Variants in RHBDF2 observed in about 807,000 individuals in gnomAD.
RHBDF2 encodes the protein rhomboid 5 homolog 2.
Under a neutral mutation model 95.2 loss-of-function variants are expected in RHBDF2, and 38 were observed. The observed-to-expected ratio is 0.40, with a 90% confidence interval of 0.31 to 0.52. RHBDF2 has a LOEUF of 0.52. Among genes scored for constraint, RHBDF2 ranks in the 20% least tolerant of loss-of-function variants. RHBDF2 has a pLI of 0.56. For missense variants in RHBDF2, 863 were observed against 1,137.7 expected (o/e 0.76, Z 3.47); for synonymous variants, 442 against 462.0 (o/e 0.96, Z 0.55).
Position 76,477,027 on chromosome 17 carries a change from G to A in RHBDF2, c.921-3C>T. ...CTGGGGCTCGGCCATACTCCTTCCT[G>A]GTGGGGATGGTGGCTTTCAGCCTGA... is the stretch of plus-strand genomic sequence containing the variant. On this transcript the variant is annotated splice_polypyrimidine_tract_variant and splice_region_variant and intron_variant, in intron 8 of 18. Coordinates refer to ENST00000675367, the MANE Select transcript of RHBDF2 (RefSeq NM_001005498.4). 2.5e-6 allele frequency: 4 copies of A among 1,612,876 alleles called. No individual in the cohort carries two copies. Among genetic ancestry groups the A allele is most frequent in the Non-Finnish European group, 1.7e-6 (2 of 1,179,504 alleles).
At position 76,476,929 on chromosome 17, in the gene RHBDF2, T is replaced by C; in HGVS notation, c.1016A>G (p.His339Arg). ...GTTGCCCACCACGCCGAGGCCGTAG[T>C]GCCGCTTCTTCCGATCAAAGGCAAA... ...KHFAFDRKKR[H>R]YGLGVVGNWL... is the part of the protein sequence containing the mutation. The change falls in exon 9 of 19, where the codon CAC (histidine) becomes CGC (arginine). Residue 339 changes from histidine to arginine, a missense_variant. Physicochemically the swap from His to Arg is conservative, Grantham distance 29. Coordinates refer to ENST00000675367, the MANE Select transcript of RHBDF2 (RefSeq NM_001005498.4). The C allele has an allele frequency of 1.2e-6, 2 of 1,613,918 alleles. No homozygotes were observed. Among genetic ancestry groups the C allele is most frequent in the East Asian group, 2.2e-5 (1 of 44,884 alleles).
intron 2 of RHBDF2, among the ~76,000 whole-genome samples, chr17:76,484,891 C>T (rs1461827232): frequency 6.6e-6 from 1 of 152,182 alleles, no homozygotes; most frequent in African/African-American, 2.4e-5. Context: ...TCGGGTTAGT[C>T]ACCTGACAAC....
In RHBDF2 at chr17:76,498,169, T is replaced by C. The variant is rs768714846; in HGVS notation, c.-220+3184A>G. 2.7e-3 allele frequency among the ~76,000 whole-genome samples: 408 copies of C among 152,230 alleles called. 2 individuals are homozygous for C. Among genetic ancestry groups the C allele is most frequent in the Non-Finnish European group, 4.4e-3 (301 of 68,012 alleles). On this transcript the variant is annotated intron_variant, in intron 1 of 18. Coordinates refer to ENST00000675367, the MANE Select transcript of RHBDF2 (RefSeq NM_001005498.4). ...CTTGGTTTCCCTGTGAAGCCGCCCG[T>C]GCCCTGAGAGCTGTCCCTGCCTAGC... is the stretch of plus-strand genomic sequence containing the variant.
At chr17:76,499,925 C>T (rs1467786981) in intron 1 of RHBDF2, among the ~76,000 whole-genome samples, 1 of 152,124 alleles carries the variant, frequency 6.6e-6, no homozygotes, top group Admixed American at 6.5e-5. Context: ...ACCTCTCCCC[C>T]ACAGCACCTA....
At chr17:76,479,946 G>A in intron 3 of RHBDF2, 92 bp from the exon 4 acceptor site, 1 of 1,554,886 alleles carries the variant, frequency 6.4e-7, no homozygotes, top group Non-Finnish European at 8.7e-7. Flanking sequence ...AAAACCCTGA[G>A]AACAAACTTC....
At chr17:76,481,988 CACACACACACACACAA>C (rs777642189) in intron 2 of RHBDF2, 4,846 of 110,206 alleles carry the variant, frequency 0.044, 140 homozygotes, top group Middle Eastern at 0.061. Context: ...CACACACACA[CACACACACACACACAA>C]AACCAAAAAC....
At position 76,479,179 on chromosome 17, in the gene RHBDF2, C is replaced by A. The variant is rs766606016; in HGVS notation, c.371G>T (p.Arg124Leu). The A allele has an allele frequency of 1.2e-6, 2 of 1,612,024 alleles. No individual in the cohort carries two copies. Among genetic ancestry groups the A allele is most frequent in the African/African-American group, 1.3e-5 (1 of 75,044 alleles). ...SLHHCSMRYG[R>L]LKASCQRDLE... ...GTCACGCTGGCACGAGGCCTTCAGG[C>A]GGCCGTAGCGCATGCTGCAGTGGTG... The change falls in exon 5 of 19, where the codon CGC becomes CTC. Residue 124 changes from arginine to leucine, a missense_variant. By Grantham distance (102) the Arg-to-Leu change is moderately radical. Coordinates refer to ENST00000675367, the MANE Select transcript of RHBDF2 (RefSeq NM_001005498.4).
intron 1 of RHBDF2, among the ~76,000 whole-genome samples, chr17:76,492,666 C>T (rs770127223): frequency 6.6e-6 from 1 of 152,222 alleles, no homozygotes. Context: ...CCTGCACTCC[C>T]CACCCCCACA....
chr17:76,473,362 G>C, intron 15 of RHBDF2, 35 bp from the exon 16 acceptor site: 2 of 1,573,912 alleles, frequency 1.3e-6, no homozygotes, highest in East Asian at 2.3e-5. Context: ...GGACATCAGG[G>C]CGCCGAATAA....
In RHBDF2 at chr17:76,486,125, T is replaced by C. The variant is rs1009693200; in HGVS notation, c.-22+1587A>G. Reference sequence around the variant, plus strand: ...ACACACACACACACACATATAGTTTTTGAGACAGAGTCTTGCTCTGTCACC... The same window carrying C: ...ACACACACACACACACATATAGTTTCTGAGACAGAGTCTTGCTCTGTCACC... On this transcript the variant is annotated intron_variant, in intron 2 of 18. Transcript: ENST00000675367. 9.3e-5 allele frequency among the ~76,000 whole-genome samples: 14 copies of C among 150,538 alleles called. 1 individual carries two copies. Among genetic ancestry groups the C allele is most frequent in the Admixed American group, 4.0e-4 (6 of 15,086 alleles).
chr17:76,491,337 C>CA (rs1171509863), intron 1 of RHBDF2, among the ~76,000 whole-genome samples: 1 of 152,198 alleles, frequency 6.6e-6, no homozygotes, highest in Non-Finnish European at 1.5e-5. Flanking sequence ...GGATCCGCTG[C>CA]ATGGCTGGCA....
chr17:76,489,842 T>A (rs560350578), intron 1 of RHBDF2, among the ~76,000 whole-genome samples: 16 of 152,316 alleles, frequency 1.1e-4, no homozygotes, highest in African/African-American at 3.8e-4. Context: ...TTTGGTAACT[T>A]GCCCAAGCTC....
chr17:76,477,053 A>T, intron 8 of RHBDF2, 29 bp from the exon 9 acceptor site: 1 of 1,611,716 alleles, frequency 6.2e-7, no homozygotes, highest in Non-Finnish European at 8.5e-7. Context: ...TTCAGCCTGA[A>T]TCCCCCACCA....
chr17:76,474,847 G>A (rs770826590), intron 10 of RHBDF2, 43 bp from the exon 11 acceptor site: 6 of 1,596,420 alleles, frequency 3.8e-6, no homozygotes, highest in Admixed American at 1.7e-5. Context: ...GAACAGTGTG[G>A]GCCCTGGGCA....
chr17:76,473,071 G>C lies in RHBDF2; in HGVS notation c.1844C>G (p.Pro615Arg), dbSNP rs2073639943. The change falls in exon 17 of 19, where the codon CCC becomes CGC. Residue 615 changes from proline (P) to arginine (R), a missense_variant. Physicochemically the swap from Pro to Arg is moderately radical, Grantham distance 103 (BLOSUM62 -2). Around this residue, in one of 2 missense-constraint regions of RHBDF2, gnomAD observed 252 missense variants for 412.2 expected, o/e 0.61. Coordinates refer to ENST00000675367, the MANE Select transcript of RHBDF2 (RefSeq NM_001005498.4). ...ATCTGGGACCTCAGGGTTGAGGAAG[G>C]GCAGCAGCCCACACACCTTGTCCAA... ...HCLDKVCGLL[P>R]FLNPEVPDQF... The C allele has an allele frequency of 6.2e-7, 1 of 1,614,132 alleles. No homozygotes were observed. Among genetic ancestry groups the C allele is most frequent in the African/African-American group, 1.3e-5 (1 of 75,048 alleles).
chr17:76,480,895 C>T (rs975904912), intron 3 of RHBDF2, among the ~76,000 whole-genome samples: 6 of 152,294 alleles, frequency 3.9e-5, no homozygotes, highest in African/African-American at 1.4e-4. Context: ...CTGCCACAAG[C>T]CGGTTTTCAA....
In RHBDF2 at chr17:76,471,212, G is replaced by T; in HGVS notation, c.*421C>A. 1 of 183,056 alleles carries T rather than the reference G, an allele frequency of 5.5e-6. No homozygotes were observed. The highest frequency in any genetic ancestry group is 2.4e-5 in the African/African-American group (1 of 42,400). 11.3% of individuals were successfully genotyped at this position (183,056 alleles called of 1,614,324 possible). A position where few individuals can be genotyped will look rare whatever the true frequency, so the allele number is the denominator to read the frequency against. On this transcript the variant is annotated 3_prime_UTR_variant, in exon 19 of 19. Transcript: ENST00000675367. The stretch of plus-strand genomic sequence containing the variant: ...AGGGGCATGGTGGGCACCCAGCCCT[G>T]GGGGCAACTGAGGGCACAGCCACGT...
Position 76,478,762 on chromosome 17 carries a change from G to A in RHBDF2, c.672+44C>T, listed in dbSNP as rs745370453. The A allele has an allele frequency of 5.9e-6, 9 of 1,523,710 alleles. No individual in the cohort carries two copies. The South Asian group carries it at 1.1e-4, about 18-fold the overall frequency. 94.4% of individuals were successfully genotyped at this position (1,523,710 alleles called of 1,614,324 possible). A position where few individuals can be genotyped will look rare whatever the true frequency, so the allele number is the denominator to read the frequency against. ...GAGTGGAAGGGAGGGGCAAGGAAGG[G>A]AGGCCGGGCAGAGGTGGGGGCCCTG... On this transcript the variant is annotated intron_variant, in intron 6 of 18. Transcript: ENST00000675367.
At chr17:76,483,877 C>T (rs1229753505) in intron 2 of RHBDF2, among the ~76,000 whole-genome samples, 1 of 152,132 alleles carries the variant, frequency 6.6e-6, no homozygotes, top group African/African-American at 2.4e-5. Flanking sequence ...TCCCCAGTTC[C>T]CCTCTGACTC....
Sources: allele counts gnomAD v4.1 joint callset (sites outside exome capture counted in the v4.1 genomes callset), GRCh38; gene constraint gnomAD v4.1.1; regional missense constraint gnomAD v4.1.1; transcripts MANE v1.5; gene names NCBI Gene and HGNC (gene_info 2026-07-23, HGNC 2026-07-21).